ANKRD13A: variants seen among roughly 807,000 people sequenced by gnomAD.
ANKRD13A encodes ankyrin repeat domain-containing protein 13A.
A neutral mutation model predicts 81.3 loss-of-function variants in ANKRD13A; 48 were observed. That is an observed-to-expected ratio of 0.59 (90% CI 0.47 to 0.75). The LOEUF (loss-of-function observed/expected upper bound fraction) is 0.75. Ranked by LOEUF, ANKRD13A falls within the 30% of genes least tolerant of loss-of-function variation. The pLI, the probability that ANKRD13A is intolerant of heterozygous loss-of-function variation, is 0.00. For synonymous variants in ANKRD13A, 230 were observed against 270.1 expected, an observed-to-expected ratio of 0.85 and a Z score of 1.45; for missense variants, 612 against 734.0, an observed-to-expected ratio of 0.83 and a Z score of 1.92.
chr12:110,003,887 G>T (rs146984356), intron 1 of ANKRD13A, among the ~76,000 whole-genome samples: 1 of 152,146 alleles, frequency 6.6e-6, no homozygotes, highest in South Asian at 2.1e-4. Flanking sequence ...GGCTGGGCAC[G>T]GTGGCTCACG....
At chr12:110,029,240 C>T in intron 10 of ANKRD13A, 1 of 392,200 alleles carries the variant, frequency 2.5e-6, no homozygotes, top group Non-Finnish European at 4.6e-6. Flanking sequence ...TGCTTGCTGT[C>T]AATTAAGGCT....
intron 7 of ANKRD13A, among the ~76,000 whole-genome samples, chr12:110,025,173 T>C (rs555447164): frequency 3.0e-4 from 46 of 152,242 alleles, no homozygotes; most frequent in African/African-American, 1.1e-3. Context: ...CTGGCCAACA[T>C]GGTGAAACCC....
chr12:110,022,293 T>TA (rs1891118351), intron 6 of ANKRD13A: 1 of 151,560 alleles, frequency 6.6e-6, no homozygotes, highest in African/African-American at 2.4e-5. Context: ...ACTAAAAATA[T>TA]AAAAAATTAG....
chr12:110,012,209 A>C, intron 2 of ANKRD13A, 72 bp downstream of exon 2: 1 of 1,496,062 alleles, frequency 6.7e-7, no homozygotes, highest in Non-Finnish European at 9.0e-7. Context: ...ACAAAAAAAT[A>C]TGAAAATTAG....
chr12:110,034,630 G>T (rs915893725), intron 13 of ANKRD13A, among the ~76,000 whole-genome samples: 5 of 152,036 alleles, frequency 3.3e-5, no homozygotes, highest in African/African-American at 1.2e-4. Context: ...GTCATATCTG[G>T]TTCTCCCTCC....
At chr12:110,025,701 G>T in intron 7 of ANKRD13A, 41 bp from the exon 8 acceptor site, 1 of 1,499,396 alleles carries the variant, frequency 6.7e-7, no homozygotes, top group South Asian at 1.2e-5. Flanking sequence ...TTGGAGTTTT[G>T]ATTCCCTGTG....
At chr12:110,025,006 C>T (rs930932530) in intron 7 of ANKRD13A, among the ~76,000 whole-genome samples, 1 of 152,208 alleles carries the variant, frequency 6.6e-6, no homozygotes, top group Non-Finnish European at 1.5e-5. Context: ...ACCTTGTGTT[C>T]ATACCTTTCT....
chr12:110,000,508 C>T (rs895968792), intron 1 of ANKRD13A, among the ~76,000 whole-genome samples: 4 of 152,162 alleles, frequency 2.6e-5, no homozygotes, highest in African/African-American at 9.7e-5. Context: ...ATTGCTATCT[C>T]TTTAAAGCAG....
chr12:110,036,142 C>A lies in ANKRD13A; in HGVS notation c.1510-119C>A. 1.1e-6 allele frequency: 1 copy of A among 933,482 alleles called. No homozygotes were observed. The highest frequency in any genetic ancestry group is 1.7e-6 in the Non-Finnish European group (1 of 572,936). The allele number at this position is 933,482 out of a possible 1,614,324, so 57.8% of individuals were successfully genotyped here. On this transcript the variant is annotated intron_variant, in intron 13 of 14. Coordinates refer to ENST00000261739, the MANE Select transcript of ANKRD13A (RefSeq NM_033121.2). The surrounding 1 kb of genome is among the most constrained non-coding windows in gnomAD (Gnocchi z 4.6). ...GTCCCTGTTAGCTTTTCACACAGCA[C>A]TATTGATAATGGTCATGGAAAGACT...
At chr12:110,006,783 A>ATG (rs979345569) in intron 1 of ANKRD13A, among the ~76,000 whole-genome samples, 1 of 151,970 alleles carries the variant, frequency 6.6e-6, no homozygotes, top group African/African-American at 2.4e-5. Context: ...TTTAGTAGAG[A>ATG]TGGAGTTTCT....
intron 12 of ANKRD13A, 73 bp downstream of exon 12, chr12:110,030,831 A>C: frequency 1.0e-6 from 1 of 959,814 alleles, no homozygotes; most frequent in East Asian, 3.4e-5. Flanking sequence ...GTGGTGGCTT[A>C]TGCCTGTAAT....
intron 2 of ANKRD13A, among the ~76,000 whole-genome samples, chr12:110,012,708 C>T (rs1050269076): frequency 4.6e-5 from 7 of 152,172 alleles, no homozygotes; most frequent in Admixed American, 2.6e-4. Context: ...CTGGGAAATC[C>T]TGTCACTTCA....
intron 3 of ANKRD13A, among the ~76,000 whole-genome samples, chr12:110,015,651 ATTC>A (rs776039583): frequency 6.6e-6 from 1 of 151,958 alleles, no homozygotes; most frequent in African/African-American, 2.4e-5. Context: ...GGTTCAAGCA[ATTC>A]TTCTGCCTCA....
intron 6 of ANKRD13A, among the ~76,000 whole-genome samples, chr12:110,019,628 T>A (rs1890975610): frequency 6.6e-6 from 1 of 152,228 alleles, no homozygotes; most frequent in South Asian, 2.1e-4. Context: ...TTGAATCCTA[T>A]TTTTGTCTTA....
chr12:110,029,383 G>A, intron 10 of ANKRD13A, 95 bp from the exon 11 acceptor site: 4 of 1,354,716 alleles, frequency 3.0e-6, no homozygotes, highest in East Asian at 2.3e-5. Flanking sequence ...AGAGTGTGGA[G>A]TAAAGCTGCT....
chr12:110,004,629 C>G (rs552647010), intron 1 of ANKRD13A, among the ~76,000 whole-genome samples: 1 of 152,192 alleles, frequency 6.6e-6, no homozygotes, highest in East Asian at 1.9e-4. Context: ...GAGACTCTGT[C>G]TCAAAAGAAA....
At chr12:110,012,221 C>T in intron 2 of ANKRD13A, 84 bp downstream of exon 2, 1 of 1,450,332 alleles carries the variant, frequency 6.9e-7, no homozygotes, top group South Asian at 1.3e-5. Context: ...GAAAATTAGC[C>T]AGGTGCGGTG....
chr12:110,033,327 G>A (rs1476688314), intron 12 of ANKRD13A, among the ~76,000 whole-genome samples: 4 of 151,766 alleles, frequency 2.6e-5, no homozygotes, highest in African/African-American at 9.7e-5. Flanking sequence ...CTCCCAAAGT[G>A]CTGGGACTAC....
chr12:110,001,695 C>T (rs1374300145), intron 1 of ANKRD13A, among the ~76,000 whole-genome samples: 5 of 152,134 alleles, frequency 3.3e-5, no homozygotes, highest in Admixed American at 6.6e-5. Context: ...GCTGGGATTA[C>T]AGGCATGAGC....
Sources: gnomAD v4.1 joint callset for allele counts (sites outside exome capture counted in the v4.1 genomes callset) on GRCh38, gnomAD v4.1.1 for gene constraint, Gnocchi (gnomAD v3.1) non-coding constraint, MANE v1.5 for transcripts, NCBI Gene and HGNC (gene_info 2026-07-23, HGNC 2026-07-21) for gene names.